The following DNAH17 variants were observed in gnomAD, a reference collection of about 807,000 sequenced individuals.
DNAH17 encodes the protein axonemal beta dynein heavy chain 17.
DNAH17 carries 376 observed loss-of-function variants against 485.6 expected under a neutral mutation model. The ratio of observed to expected loss-of-function variants is 0.77; its 90% confidence interval spans 0.71 to 0.84. DNAH17 has a LOEUF of 0.84. Among genes scored for constraint, DNAH17 ranks in the 40% least tolerant of loss-of-function variants. The pLI is 0.00. For synonymous variants in DNAH17, 3,031 were observed against 2,405.9 expected (o/e 1.26, Z -7.60); for missense variants, 6,370 against 5,839.3 (o/e 1.09, Z -2.96).
chr17:78,540,077 C>T (rs2091480719), intron 17 of DNAH17, among the ~76,000 whole-genome samples, 197 bp from the exon 18 acceptor site: 1 of 152,270 alleles, frequency 6.6e-6, no homozygotes. Context: ...CTTGCTGGGT[C>T]TGGCTTCCAA....
At chr17:78,562,103 A>C in intron 11 of DNAH17, 123 bp from the exon 12 acceptor site, 1 of 1,205,876 alleles carries the variant, frequency 8.3e-7, no homozygotes, top group Non-Finnish European at 1.1e-6. Context: ...TTGCCAAAAC[A>C]AAACAATCCA....
chr17:78,461,831 T>A, intron 57 of DNAH17, 123 bp from the exon 58 acceptor site: 1 of 816,074 alleles, frequency 1.2e-6, no homozygotes, highest in Non-Finnish European at 1.9e-6. Flanking sequence ...GTCTTACGAC[T>A]CCCAGTGACT....
intron 54 of DNAH17, 130 bp from the exon 55 acceptor site, chr17:78,469,013 G>T (rs906007544): frequency 4.3e-6 from 5 of 1,171,282 alleles, no homozygotes; most frequent in Non-Finnish European, 5.8e-6. Context: ...GCCCAGGCTG[G>T]AGTGCAATGG....
intron 67 of DNAH17, 26 bp downstream of exon 67, chr17:78,450,656 G>T: frequency 1.2e-6 from 2 of 1,600,840 alleles, no homozygotes; most frequent in East Asian, 2.3e-5. Flanking sequence ...CTGGCTGCCA[G>T]GGCACGTCAC....
rs2092162558 is a variant in DNAH17, at chr17:78,561,831, C to T, written c.1719G>A (p.Gly573=). 2 of 1,613,878 alleles carry T rather than the reference C, an allele frequency of 1.2e-6. No individual in the cohort carries two copies. Among genetic ancestry groups the T allele is most frequent in the Non-Finnish European group, 1.7e-6 (2 of 1,179,854 alleles). Residue 573 remains glycine, a synonymous_variant, in exon 12 of 81, where the codon GGG becomes GGA. Coordinates refer to ENST00000389840, the MANE Select transcript of DNAH17 (RefSeq NM_173628.4). The part of the protein sequence containing the change: ...YDAQMAASEE[G]NIPLIHKNMP... ...TGTTTTTGTGGATCAGGGGGATGTT[C>T]CCCTCCTCGGAGGCCGCCATCTGGG...
At chr17:78,459,649 G>A (rs1028235804) in intron 60 of DNAH17, 135 bp downstream of exon 60, 10 of 929,788 alleles carry the variant, frequency 1.1e-5, no homozygotes, top group Admixed American at 9.4e-5. Context: ...TTGGGGTGCT[G>A]TATGGGGAAG....
chr17:78,495,154 C>T, intron 38 of DNAH17, 57 bp from the exon 39 acceptor site: 3 of 1,511,570 alleles, frequency 2.0e-6, no homozygotes, highest in South Asian at 1.3e-5. Flanking sequence ...AACCTACACC[C>T]CTGCCTGTCC....
intron 54 of DNAH17, 30 bp from the exon 55 acceptor site, chr17:78,468,913 C>T: frequency 6.3e-7 from 1 of 1,591,744 alleles, no homozygotes; most frequent in Non-Finnish European, 8.6e-7. Flanking sequence ...GCTTAGGGGC[C>T]TTGGTAAAAA....
chr17:78,446,592 G>A (rs557061660), intron 69 of DNAH17, among the ~76,000 whole-genome samples: 1 of 152,080 alleles, frequency 6.6e-6, no homozygotes, highest in Non-Finnish European at 1.5e-5. Context: ...GGTCGTTTTG[G>A]CTGTTGTGAA....
At chr17:78,426,104 G>A (rs1414803777) in intron 79 of DNAH17, among the ~76,000 whole-genome samples, 4 of 152,218 alleles carry the variant, frequency 2.6e-5, no homozygotes, top group East Asian at 1.9e-4. Context: ...GTAGAGAAGG[G>A]TCAGGAAGAA....
At chr17:78,486,807 T>C (rs1277161064) in intron 44 of DNAH17, among the ~76,000 whole-genome samples, 3 of 152,000 alleles carry the variant, frequency 2.0e-5, no homozygotes, top group African/African-American at 7.2e-5. Context: ...GGGAAGCACA[T>C]ACCAAGGGCT....
intron 35 of DNAH17, chr17:78,500,906 G>A (rs1325338282): frequency 1.3e-5 from 4 of 310,574 alleles, no homozygotes; most frequent in Non-Finnish European, 2.3e-5. Context: ...TCAGGGAGGT[G>A]GGCACTGCTA....
At chr17:78,574,565 C>T (rs769012744) in intron 2 of DNAH17, 148 bp downstream of exon 2, 33 of 683,678 alleles carry the variant, frequency 4.8e-5, no homozygotes, top group Admixed American at 1.8e-4. Context: ...TCAGGGTGGA[C>T]GGGGCCCGAG....
Position 78,463,033 on chromosome 17 carries a change from G to A in DNAH17, c.8985C>T (p.His2995=). ...ASISFFMSYV[H]TTVNEMSRVY... ...CCCTGGACATCTCGTTGACGGTGGT[G>A]TGCACGTAGGACATGAAGAAGCTGA... The change falls in exon 57 of 81, where the codon CAC becomes CAT. Residue 2995 remains histidine, a synonymous_variant. Coordinates refer to ENST00000389840, the MANE Select transcript of DNAH17 (RefSeq NM_173628.4). 3 of 1,613,960 alleles carry A rather than the reference G, an allele frequency of 1.9e-6. No individual in the cohort carries two copies. Among genetic ancestry groups the A allele is most frequent in the South Asian group, 2.2e-5 (2 of 91,084 alleles).
intron 7 of DNAH17, 114 bp downstream of exon 7, chr17:78,570,133 A>G (rs2092330315): frequency 7.9e-7 from 1 of 1,262,382 alleles, no homozygotes; most frequent in Non-Finnish European, 1.1e-6. Flanking sequence ...TTGTGCTGAC[A>G]TCTTGGCCTG....
intron 12 of DNAH17, 128 bp from the exon 13 acceptor site, chr17:78,561,063 GACTGAATATGCAA>G: frequency 2.4e-6 from 2 of 829,434 alleles, no homozygotes; most frequent in East Asian, 5.4e-5. Flanking sequence ...GAGGCTCACA[GACTGAATATGCAA>G]ACAAGCAGTG....
chr17:78,430,878 A>G (rs2086646565), intron 75 of DNAH17, among the ~76,000 whole-genome samples: 1 of 150,074 alleles, frequency 6.7e-6, no homozygotes, highest in Admixed American at 6.6e-5. Context: ...CACTGTGCCC[A>G]GCCCATATGT....
At chr17:78,472,793 C>T (rs1307185058) in intron 54 of DNAH17, 1 of 453,124 alleles carries the variant, frequency 2.2e-6, no homozygotes, top group African/African-American at 2.0e-5. Context: ...TGCCCACTTT[C>T]AGCCTTTGTG....
At chr17:78,451,420 C>T (rs373843680) in intron 66 of DNAH17, 49 bp downstream of exon 66, 32 of 1,543,576 alleles carry the variant, frequency 2.1e-5, no homozygotes, top group South Asian at 1.1e-4. Flanking sequence ...CTGGCCCCCT[C>T]TGTGTGGGAC....
Sources: gnomAD v4.1 joint callset for allele counts (sites outside exome capture counted in the v4.1 genomes callset) on GRCh38, gnomAD v4.1.1 for gene constraint, MANE v1.5 for transcripts, NCBI Gene and HGNC (gene_info 2026-07-23, HGNC 2026-07-21) for gene names.